The following PRKRIP1 variants were observed in gnomAD, a reference collection of about 807,000 sequenced individuals.
The protein encoded by PRKRIP1 is PRKR interacting protein 1.
In PRKRIP1, 29 loss-of-function variants were observed where a neutral mutation model predicts 29.3. The observed-to-expected ratio is 0.99, with a 90% CI of 0.74 to 1.35. The LOEUF is 1.35. Among genes scored for constraint, PRKRIP1 ranks in the 40% most tolerant of loss-of-function variants. The pLI, the probability that PRKRIP1 is intolerant of heterozygous loss-of-function variation, is 0.00. For synonymous variants in PRKRIP1, 90 were observed against 85.1 expected (o/e 1.06, Z -0.32); for missense variants, 247 against 236.8 (o/e 1.04, Z -0.28).
intron 5 of PRKRIP1, among the ~76,000 whole-genome samples, chr7:102,419,428 T>A (rs1796634251): frequency 6.6e-6 from 1 of 152,128 alleles, no homozygotes; most frequent in South Asian, 2.1e-4. Flanking sequence ...AAAAATAGCA[T>A]AATTAAGTTT....
intron 5 of PRKRIP1, chr7:102,423,346 C>G (rs1282626551): frequency 5.4e-6 from 2 of 369,708 alleles, no homozygotes; most frequent in Admixed American, 3.4e-5. Flanking sequence ...AAACTCCTGA[C>G]CTCGTGATCC....
At chr7:102,415,915 C>T (rs1796523646) in intron 5 of PRKRIP1, among the ~76,000 whole-genome samples, 1 of 152,388 alleles carries the variant, frequency 6.6e-6, no homozygotes, top group East Asian at 1.9e-4. Context: ...CTGTTCACTC[C>T]CTTCCACATG....
chr7:102,401,899 T>C (rs1038128901), intron 3 of PRKRIP1, among the ~76,000 whole-genome samples: 8 of 152,106 alleles, frequency 5.3e-5, no homozygotes, highest in African/African-American at 1.7e-4. Flanking sequence ...TGAGACTCCT[T>C]CTGAAAAAAG....
intron 3 of PRKRIP1, among the ~76,000 whole-genome samples, chr7:102,401,539 G>A (rs1796070553): frequency 6.6e-6 from 1 of 152,168 alleles, no homozygotes; most frequent in Non-Finnish European, 1.5e-5. Context: ...TTCAAGACCA[G>A]CCTGGCCAAC....
intron 5 of PRKRIP1, among the ~76,000 whole-genome samples, chr7:102,422,531 G>A (rs538761133): frequency 1.2e-4 from 18 of 151,902 alleles, no homozygotes; most frequent in Non-Finnish European, 2.5e-4. Context: ...TAGTAGAGAC[G>A]GGGTTTCGCC....
At chr7:102,407,170 G>A (rs1426460435) in intron 4 of PRKRIP1, among the ~76,000 whole-genome samples, 1 of 151,646 alleles carries the variant, frequency 6.6e-6, no homozygotes, top group Non-Finnish European at 1.5e-5. Flanking sequence ...AGCTGAGATT[G>A]CGCCACTGCA....
chr7:102,406,184 G>C (rs1434950245), intron 4 of PRKRIP1, among the ~76,000 whole-genome samples: 1 of 152,178 alleles, frequency 6.6e-6, no homozygotes, highest in Non-Finnish European at 1.5e-5. Context: ...TCGATTTGCT[G>C]CACATACTTC....
chr7:102,416,930 A>G (rs931664164), intron 5 of PRKRIP1, among the ~76,000 whole-genome samples: 2 of 151,756 alleles, frequency 1.3e-5, no homozygotes, highest in Non-Finnish European at 2.9e-5. Flanking sequence ...ATCTTGGCTC[A>G]CTGCAACCTC....
In PRKRIP1 at chr7:102,425,290, C is replaced by G; in HGVS notation, c.*179C>G. The G allele has an allele frequency of 7.6e-7, 1 of 1,308,702 alleles. No homozygotes were observed. Among genetic ancestry groups the G allele is most frequent in the Non-Finnish European group, 1.0e-6 (1 of 966,832 alleles). 81.1% of individuals were successfully genotyped at this position (1,308,702 alleles called of 1,614,324 possible). A position where few individuals can be genotyped will look rare whatever the true frequency, so the allele number is the denominator to read the frequency against. On this transcript the variant is annotated 3_prime_UTR_variant, in exon 6 of 6. Coordinates refer to ENST00000397912, the MANE Select transcript of PRKRIP1 (RefSeq NM_024653.4). ...TGGCAGGTTTGGGAGCCTGAGGGGCCATCTCCCTGACACTCAGAGGCACTG... is the reference window on the plus strand; with the variant it reads ...TGGCAGGTTTGGGAGCCTGAGGGGCGATCTCCCTGACACTCAGAGGCACTG...
At position 102,401,460 on chromosome 7, in the gene PRKRIP1, G is replaced by A. The variant is rs1407320941; in HGVS notation, c.306+1812G>A. On this transcript the variant is annotated intron_variant, in intron 3 of 5. Coordinates refer to ENST00000397912, the MANE Select transcript of PRKRIP1 (RefSeq NM_024653.4). ...AAAATTCTGCTTTGGGGGGCCAGCC[G>A]TGGTGGCTCATGCCTGTAATCCCAG... 3.3e-5 allele frequency among the ~76,000 whole-genome samples: 5 copies of A among 152,142 alleles called. No homozygotes were observed. The East Asian group carries it at 7.7e-4, about 23-fold the overall frequency.
intron 5 of PRKRIP1, among the ~76,000 whole-genome samples, chr7:102,424,630 G>A (rs1796787809): frequency 6.6e-6 from 1 of 152,258 alleles, no homozygotes; most frequent in Non-Finnish European, 1.5e-5. Flanking sequence ...GCAGACGGCA[G>A]TGAGAACTTG....
intron 2 of PRKRIP1, among the ~76,000 whole-genome samples, chr7:102,398,410 G>C (rs1008179887): frequency 1.3e-4 from 19 of 151,910 alleles, no homozygotes; most frequent in Admixed American, 2.0e-4. Context: ...TTAGCCTCCT[G>C]AGTAGCTAGG....
chr7:102,396,635 C>T (rs1795906782), intron 1 of PRKRIP1, 98 bp downstream of exon 1: 2 of 1,299,562 alleles, frequency 1.5e-6, no homozygotes, highest in Non-Finnish European at 2.1e-6. Flanking sequence ...CGCCTCCAAA[C>T]TCAGAAACTC....
At chr7:102,403,547 T>C (rs1159536991) in intron 3 of PRKRIP1, among the ~76,000 whole-genome samples, 1 of 152,212 alleles carries the variant, frequency 6.6e-6, no homozygotes, top group Non-Finnish European at 1.5e-5. Context: ...CCTAGACTGG[T>C]GTGCAGTGGC....
intron 3 of PRKRIP1, among the ~76,000 whole-genome samples, chr7:102,404,010 A>G (rs1277855879): frequency 6.6e-6 from 1 of 152,190 alleles, no homozygotes; most frequent in African/African-American, 2.4e-5. Flanking sequence ...CAAAATAAAC[A>G]TAAAAATTAG....
chr7:102,413,296 C>A (rs1245123621), intron 5 of PRKRIP1, among the ~76,000 whole-genome samples: 1 of 152,206 alleles, frequency 6.6e-6, no homozygotes, highest in Non-Finnish European at 1.5e-5. Context: ...GGGCAGGTAT[C>A]CAGTGTCCAG....
intron 5 of PRKRIP1, among the ~76,000 whole-genome samples, chr7:102,414,589 A>G (rs1052984841): frequency 2.6e-5 from 4 of 152,142 alleles, no homozygotes; most frequent in Non-Finnish European, 4.4e-5. Flanking sequence ...TGATAGATTA[A>G]GATAAATTTC....
intron 2 of PRKRIP1, among the ~76,000 whole-genome samples, chr7:102,399,130 G>A (rs1477851465): frequency 6.6e-6 from 1 of 152,040 alleles, no homozygotes; most frequent in African/African-American, 2.4e-5. Flanking sequence ...TCAAAAAAAA[G>A]AAAAAAGCTG....
At chr7:102,406,091 G>A (rs1411975464) in intron 4 of PRKRIP1, among the ~76,000 whole-genome samples, 1 of 152,188 alleles carries the variant, frequency 6.6e-6, no homozygotes, top group Non-Finnish European at 1.5e-5. Flanking sequence ...GTGACTCGTG[G>A]TCGGGCATTG....
Sources: allele counts gnomAD v4.1 joint callset (sites outside exome capture counted in the v4.1 genomes callset), GRCh38; gene constraint gnomAD v4.1.1; transcripts MANE v1.5; gene names NCBI Gene and HGNC (gene_info 2026-07-23, HGNC 2026-07-21).